Variants in CACNA1B observed in about 807,000 individuals in gnomAD.
CACNA1B encodes voltage-dependent N-type calcium channel subunit alpha-1B.
A neutral mutation model predicts 247.2 loss-of-function variants in CACNA1B; 70 were observed. That is an observed-to-expected ratio of 0.28 (90% CI 0.23 to 0.35). The LOEUF (loss-of-function observed/expected upper bound fraction) is 0.35. Among genes scored for constraint, CACNA1B ranks in the 10% least tolerant of loss-of-function variants. The pLI is 1.00. For synonymous variants in CACNA1B, 1,231 were observed against 1,294.4 expected (o/e 0.95, Z 1.05); for missense variants, 2,367 against 3,197.4 (o/e 0.74, Z 6.26).
In CACNA1B at chr9:138,073,529, T is replaced by C; in HGVS notation, c.4716T>C (p.Ala1572=). Residue 1572 remains alanine, a synonymous_variant, in exon 33 of 47, where the codon GCT becomes GCC. Coordinates refer to ENST00000371372, the MANE Select transcript of CACNA1B (RefSeq NM_000718.4). This position sits in a 1 kb window ranked among gnomAD's most constrained non-coding sequence, Gnocchi z 6.4. ...INLSFLRLFR[A]ARLIKLLRQG... Reference sequence around the variant, plus strand: ...TCAGCTTCCTCCGCCTCTTTCGAGCTGCGCGGCTGATCAAGCTGCTCCGCC... The same window carrying C: ...TCAGCTTCCTCCGCCTCTTTCGAGCCGCGCGGCTGATCAAGCTGCTCCGCC... 1.9e-6 allele frequency: 3 copies of C among 1,613,462 alleles called. No individual in the cohort carries two copies. The highest frequency in any genetic ancestry group is 2.5e-6 in the Non-Finnish European group (3 of 1,179,464).
chr9:137,959,162 T>C (rs537696611), intron 10 of CACNA1B, among the ~76,000 whole-genome samples: 412 of 152,308 alleles, frequency 2.7e-3, no homozygotes, highest in African/African-American at 8.9e-3. Flanking sequence ...AACCTCTGTC[T>C]CCCAGGTTCT....
At chr9:137,906,958 T>A (rs1957306708) in intron 3 of CACNA1B, among the ~76,000 whole-genome samples, 1 of 152,262 alleles carries the variant, frequency 6.6e-6, no homozygotes, top group Non-Finnish European at 1.5e-5. Flanking sequence ...ACAGATGTGG[T>A]TGAAGTCTTC....
chr9:137,923,302 GCCAGGTAGTATTCCGTGGCT>G (rs1957510495), intron 6 of CACNA1B, among the ~76,000 whole-genome samples: 1 of 148,984 alleles, frequency 6.7e-6, no homozygotes, highest in Non-Finnish European at 1.5e-5. Flanking sequence ...ATTCCATGGT[GCCAGGTAGTATTCCGTGGCT>G]CCAGGTGGTA....
intron 23 of CACNA1B, among the ~76,000 whole-genome samples, chr9:138,047,782 C>A (rs1959196278): frequency 6.6e-6 from 1 of 152,190 alleles, no homozygotes; most frequent in Non-Finnish European, 1.5e-5. Context: ...CTTCTTAGGA[C>A]AGCAAAGGAG....
chr9:138,114,545 C>A, intron 41 of CACNA1B, 55 bp downstream of exon 41: 1 of 884,772 alleles, frequency 1.1e-6, no homozygotes, highest in Non-Finnish European at 1.8e-6. Context: ...GAGGCTCTGG[C>A]ATCCTTCGGG....
chr9:138,115,753 A>G, intron 42 of CACNA1B, 74 bp downstream of exon 42: 7 of 1,468,826 alleles, frequency 4.8e-6, no homozygotes, highest in Non-Finnish European at 6.5e-6. Flanking sequence ...CAGACATCCC[A>G]TTTCCTCAAC....
intron 40 of CACNA1B, 42 bp downstream of exon 40, chr9:138,112,547 C>T (rs1287064551): frequency 7.7e-7 from 1 of 1,306,284 alleles, no homozygotes; most frequent in East Asian, 2.3e-5. Context: ...CCCACCTTTA[C>T]TGTCCCACCC....
rs1959544016 is a variant in CACNA1B at position 138,057,255 on chromosome 9, A to T, written c.3969-477A>T. On this transcript the variant is annotated intron_variant, in intron 26 of 46. Transcript: ENST00000371372. This position sits in a 1 kb window ranked among gnomAD's most constrained non-coding sequence, Gnocchi z 4.0. ...CCCGGCCTTTTTTATTTATTAGAAT[A>T]GTTATTTACATATTCTAAATACAAC... Among the ~76,000 whole-genome samples the T allele has an allele frequency of 2.0e-5, 3 of 152,136 alleles. No individual in the cohort carries two copies. The South Asian group carries it at 6.2e-4, about 32-fold the overall frequency.
chr9:138,034,542 C>T (rs1345334225), intron 20 of CACNA1B, among the ~76,000 whole-genome samples: 2 of 151,096 alleles, frequency 1.3e-5, no homozygotes, highest in Non-Finnish European at 2.9e-5. Flanking sequence ...TGCCCCTTTC[C>T]TAGTCCTTTC....
At position 138,059,066 on chromosome 9, in the gene CACNA1B, A is replaced by T; in HGVS notation, c.4474-13A>T. 1 of 1,546,466 alleles carries T rather than the reference A, an allele frequency of 6.5e-7. No individual in the cohort carries two copies. Among genetic ancestry groups the T allele is most frequent in the African/African-American group, 1.4e-5 (1 of 73,658 alleles). On this transcript the variant is annotated splice_polypyrimidine_tract_variant and intron_variant, in intron 29 of 46. Coordinates refer to ENST00000371372, the MANE Select transcript of CACNA1B (RefSeq NM_000718.4). This position sits in a 1 kb window ranked among gnomAD's most constrained non-coding sequence, Gnocchi z 4.2. ...GCCAAACCCATGGCCAACAGTGCCT[A>T]TTCCCCGGGCAGTTCTATGATGCAC...
At chr9:137,983,437 C>T (rs766746788) in intron 12 of CACNA1B, among the ~76,000 whole-genome samples, 19 of 152,130 alleles carry the variant, frequency 1.2e-4, no homozygotes, top group South Asian at 2.1e-4. Context: ...TCCCTCACAC[C>T]GGGCCCTGAC....
chr9:137,906,232 G>A (rs748266133), intron 3 of CACNA1B, among the ~76,000 whole-genome samples: 4 of 152,196 alleles, frequency 2.6e-5, no homozygotes, highest in Admixed American at 1.3e-4. Context: ...GTTAAAATGC[G>A]TTTCTGTCTT....
chr9:138,027,040 G>C (rs1958929595), intron 20 of CACNA1B, among the ~76,000 whole-genome samples: 1 of 152,108 alleles, frequency 6.6e-6, no homozygotes. Context: ...CTTTTAATGT[G>C]CTTATTTGCC....
At chr9:138,111,723 C>T (rs1336752893) in intron 39 of CACNA1B, among the ~76,000 whole-genome samples, 1 of 151,978 alleles carries the variant, frequency 6.6e-6, no homozygotes, top group Non-Finnish European at 1.5e-5. Flanking sequence ...CTTCCCTAAC[C>T]CTCCTGCCCA....
At chr9:137,896,107 CA>C (rs1233153978) in intron 3 of CACNA1B, among the ~76,000 whole-genome samples, 1 of 151,976 alleles carries the variant, frequency 6.6e-6, no homozygotes, top group Non-Finnish European at 1.5e-5. Context: ...GGTGTGGTGG[CA>C]GGCGCCTGTA....
Position 138,072,431 on chromosome 9 carries a change from G to A in CACNA1B, c.4675-1057G>A, listed in dbSNP as rs970221947. On this transcript the variant is annotated intron_variant, in intron 32 of 46. Coordinates refer to ENST00000371372, the MANE Select transcript of CACNA1B (RefSeq NM_000718.4). The surrounding 1 kb of genome is among the most constrained non-coding windows in gnomAD (Gnocchi z 4.5). Reference sequence around the variant, plus strand: ...TCTGCCAGGCCCTCACCGCCTCTGCGCCTGCACGTGCTCCTGCTGCTGCTG... The same window carrying A: ...TCTGCCAGGCCCTCACCGCCTCTGCACCTGCACGTGCTCCTGCTGCTGCTG... Among the ~76,000 whole-genome samples the A allele has an allele frequency of 1.3e-5, 2 of 152,202 alleles. No homozygotes were observed. The highest frequency in any genetic ancestry group is 1.3e-4 in the Admixed American group (2 of 15,286).
At chr9:137,994,702 A>T (rs1346243130) in intron 15 of CACNA1B, among the ~76,000 whole-genome samples, 1 of 152,272 alleles carries the variant, frequency 6.6e-6, no homozygotes, top group Non-Finnish European at 1.5e-5. Context: ...CTGCTGAAAG[A>T]AATCATAGAC....
intron 20 of CACNA1B, among the ~76,000 whole-genome samples, chr9:138,028,945 A>G (rs753025643): frequency 2.4e-4 from 36 of 152,330 alleles, no homozygotes; most frequent in African/African-American, 8.7e-4. Flanking sequence ...ACTTAAATGT[A>G]GGCTCAGTTA....
intron 6 of CACNA1B, among the ~76,000 whole-genome samples, chr9:137,947,181 G>A (rs1202184797): frequency 6.6e-6 from 1 of 152,204 alleles, no homozygotes; most frequent in Non-Finnish European, 1.5e-5. Flanking sequence ...AAAGGCTGAA[G>A]TGAAGTTATA....
Sources: gnomAD v4.1 joint callset for allele counts (sites outside exome capture counted in the v4.1 genomes callset) on GRCh38, gnomAD v4.1.1 for gene constraint, Gnocchi (gnomAD v3.1) non-coding constraint, MANE v1.5 for transcripts, NCBI Gene and HGNC (gene_info 2026-07-23, HGNC 2026-07-21) for gene names.